DCLK2: variants seen among roughly 807,000 people sequenced by gnomAD.
The protein encoded by DCLK2 is serine/threonine-protein kinase DCLK2.
A neutral mutation model predicts 78.4 loss-of-function variants in DCLK2; 31 were observed. The observed-to-expected ratio is 0.40, with a 90% CI of 0.30 to 0.53. The LOEUF is 0.53. DCLK2 is among the 20% of genes least tolerant of loss of function. The pLI is 0.61. For synonymous variants in DCLK2, 407 were observed against 374.9 expected (o/e 1.09, Z -0.99); for missense variants, 872 against 973.7 (o/e 0.90, Z 1.39).
At chr4:150,084,826 G>A (rs1017412789) in intron 1 of DCLK2, among the ~76,000 whole-genome samples, 11 of 152,120 alleles carry the variant, frequency 7.2e-5, no homozygotes, top group Non-Finnish European at 7.4e-5. Context: ...GGTGTGTACC[G>A]CCTGGCTAGG....
chr4:150,165,809 A>C (rs1736020189), intron 2 of DCLK2, among the ~76,000 whole-genome samples: 1 of 152,226 alleles, frequency 6.6e-6, no homozygotes, highest in Non-Finnish European at 1.5e-5. Flanking sequence ...CCAGTGCAAC[A>C]GTGTTGAAAG....
chr4:150,132,826 C>T (rs1733418832), intron 2 of DCLK2, among the ~76,000 whole-genome samples: 2 of 152,184 alleles, frequency 1.3e-5, no homozygotes, highest in South Asian at 4.1e-4. Flanking sequence ...CGGGGTCTCA[C>T]TTTGTTGCCC....
intron 2 of DCLK2, among the ~76,000 whole-genome samples, chr4:150,129,175 TAAAAC>T (rs1028087920): frequency 7.2e-5 from 11 of 152,130 alleles, no homozygotes; most frequent in Admixed American, 5.9e-4. Flanking sequence ...ATGAATGACT[TAAAAC>T]AGACACTGTG....
chr4:150,229,245 T>C (rs1380191968), intron 8 of DCLK2, among the ~76,000 whole-genome samples: 2 of 152,108 alleles, frequency 1.3e-5, no homozygotes, highest in African/African-American at 2.4e-5. Context: ...GGAAGATTGC[T>C]TGAGCCTGGG....
chr4:150,229,234 G>A (rs370125178), intron 8 of DCLK2, among the ~76,000 whole-genome samples: 26 of 152,216 alleles, frequency 1.7e-4, no homozygotes, highest in African/African-American at 5.5e-4. Flanking sequence ...AGGCTGAGGC[G>A]GGAAGATTGC....
chr4:150,174,716 G>A (rs933145617), intron 2 of DCLK2, among the ~76,000 whole-genome samples: 9 of 151,588 alleles, frequency 5.9e-5, no homozygotes, highest in African/African-American at 1.9e-4. Context: ...AATACATTAG[G>A]CTGGGCGCGG....
chr4:150,156,483 AAAATAAATAAAT>A (rs545633598), intron 2 of DCLK2, among the ~76,000 whole-genome samples: 75 of 143,188 alleles, frequency 5.2e-4, no homozygotes, highest in East Asian at 1.1e-3. Context: ...CGTCTCTACC[AAAATAAATAAAT>A]AAATAAATAA....
intron 1 of DCLK2, among the ~76,000 whole-genome samples, chr4:150,091,557 C>G (rs1186159303): frequency 6.6e-6 from 1 of 151,954 alleles, no homozygotes; most frequent in Admixed American, 6.6e-5. Flanking sequence ...TCTCAGTGTC[C>G]AAATTTTATA....
chr4:150,091,226 T>C (rs1730039994), intron 1 of DCLK2, among the ~76,000 whole-genome samples: 1 of 152,250 alleles, frequency 6.6e-6, no homozygotes, highest in Non-Finnish European at 1.5e-5. Flanking sequence ...CTGCGCTTGA[T>C]GAAGGGTATC....
Position 150,235,512 on chromosome 4 carries a change from C to T in DCLK2, c.1566+2684C>T, listed in dbSNP as rs978935976. ...CCACCCCTTCCCAAACCTACGGGAGCCCCCTTGTGTTAGCCCAGAAAGGGA... is the reference window on the plus strand; with the variant it reads ...CCACCCCTTCCCAAACCTACGGGAGTCCCCTTGTGTTAGCCCAGAAAGGGA... On this transcript the variant is annotated intron_variant, in intron 10 of 15. Coordinates refer to ENST00000296550, the MANE Select transcript of DCLK2 (RefSeq NM_001040260.4). Among the ~76,000 whole-genome samples the T allele has an allele frequency of 7.2e-5, 11 of 152,166 alleles. 1 individual carries two copies. The highest frequency in any genetic ancestry group is 1.9e-4 in the African/African-American group (8 of 41,430).
chr4:150,089,994 C>T (rs1553952308), intron 1 of DCLK2, among the ~76,000 whole-genome samples: 1 of 152,142 alleles, frequency 6.6e-6, no homozygotes, highest in Non-Finnish European at 1.5e-5. Context: ...TCCCTTTTTC[C>T]TTGTTGATTC....
chr4:150,248,733 G>C (rs953794927), intron 14 of DCLK2, among the ~76,000 whole-genome samples: 1 of 152,102 alleles, frequency 6.6e-6, no homozygotes, highest in African/African-American at 2.4e-5. Flanking sequence ...GTTTGCCCTG[G>C]AGATGAGCCT....
chr4:150,110,733 C>G (rs1220083786), intron 2 of DCLK2, among the ~76,000 whole-genome samples: 1 of 152,104 alleles, frequency 6.6e-6, no homozygotes, highest in Non-Finnish European at 1.5e-5. Context: ...AGAAAATACA[C>G]TATTTGGTTT....
intron 6 of DCLK2, among the ~76,000 whole-genome samples, chr4:150,221,374 C>T (rs545763219): frequency 1.5e-3 from 231 of 149,424 alleles, no homozygotes; most frequent in Admixed American, 2.7e-3. Flanking sequence ...TCTTGAACAT[C>T]GACAAAAAAG....
intron 2 of DCLK2, among the ~76,000 whole-genome samples, chr4:150,177,318 A>G (rs552399649): frequency 2.0e-5 from 3 of 152,146 alleles, no homozygotes; most frequent in Non-Finnish European, 2.9e-5. Context: ...TTCCGAGTTG[A>G]TGCTCCTTTT....
chr4:150,095,464 A>G (rs994191757), intron 1 of DCLK2, among the ~76,000 whole-genome samples: 1 of 152,084 alleles, frequency 6.6e-6, no homozygotes, highest in Non-Finnish European at 1.5e-5. Flanking sequence ...TCATTTGTTC[A>G]TTTTCATTAG....
chr4:150,087,452 G>A (rs1159131767), intron 1 of DCLK2, among the ~76,000 whole-genome samples: 1 of 152,192 alleles, frequency 6.6e-6, no homozygotes, highest in African/African-American at 2.4e-5. Context: ...AATGTGAGGA[G>A]GCCAAGGAGG....
chr4:150,221,814 A>T (rs754209312), intron 7 of DCLK2, 29 bp downstream of exon 7: 2 of 1,302,688 alleles, frequency 1.5e-6, no homozygotes, highest in African/African-American at 1.5e-5. Flanking sequence ...TAATTAATGA[A>T]TAATGAAAAT....
intron 2 of DCLK2, among the ~76,000 whole-genome samples, chr4:150,157,364 T>A (rs1276887030): frequency 6.6e-6 from 1 of 152,086 alleles, no homozygotes; most frequent in Non-Finnish European, 1.5e-5. Flanking sequence ...CACTGCAGCC[T>A]TAACCTCCCA....
Sources: gnomAD v4.1 joint callset for allele counts (sites outside exome capture counted in the v4.1 genomes callset) on GRCh38, gnomAD v4.1.1 for gene constraint, MANE v1.5 for transcripts, NCBI Gene and HGNC (gene_info 2026-07-23, HGNC 2026-07-21) for gene names.